Variants in SBF2 observed in about 807,000 individuals in gnomAD.
SBF2 encodes the protein myotubularin-related protein 13.
In SBF2, 112 loss-of-function variants were observed where a neutral mutation model predicts 225.2. The observed-to-expected ratio is 0.50, with a 90% CI of 0.43 to 0.58. The LOEUF (loss-of-function observed/expected upper bound fraction) is 0.58, where lower values mean the gene tolerates loss of function less well. Among genes scored for constraint, SBF2 ranks in the 20% least tolerant of loss-of-function variants. The probability of loss-of-function intolerance (pLI) is 0.00; values close to 1 mark genes in which losing one functional copy is unlikely to be tolerated. For missense variants in SBF2, 1,996 were observed against 2,206.2 expected (o/e 0.90, Z 1.91); for synonymous variants, 763 against 773.3 (o/e 0.99, Z 0.22).
Position 9,968,417 on chromosome 11 carries a change from A to T in SBF2, c.1524T>A (p.Asn508Lys). The change falls in exon 14 of 40, where the codon AAT becomes AAA. Residue 508 changes from asparagine to lysine, a missense_variant. Coordinates refer to ENST00000256190, the MANE Select transcript of SBF2 (RefSeq NM_030962.4). ...GAGGTGCATTCTGGTTCTTAGCAACATTTTCCTGTATTAATTCCTGAACCC... is the reference window on the plus strand; with the variant it reads ...GAGGTGCATTCTGGTTCTTAGCAACTTTTTCCTGTATTAATTCCTGAACCC... The part of the protein sequence containing the change: ...EARVQELIQE[N>K]VAKNQNAPPA... The T allele has an allele frequency of 6.2e-7, 1 of 1,614,102 alleles. No homozygotes were observed. The highest frequency in any genetic ancestry group is 8.5e-7 in the Non-Finnish European group (1 of 1,180,012).
rs79052711 is a variant in SBF2 at position 9,784,783 on chromosome 11, A to G, written c.5231+342T>C. ...CTTGGCTGTCCTAGCTTATGTGAGT[A>G]AATTCCTTTTTGCTTCAGCTAGCAT... is the stretch of plus-strand genomic sequence containing the variant. On this transcript the variant is annotated intron_variant, in intron 37 of 39. Coordinates refer to ENST00000256190, the MANE Select transcript of SBF2 (RefSeq NM_030962.4). The G allele has an allele frequency of 5.6e-3, 2,777 of 496,122 alleles. 83 individuals carry two copies. The Admixed American group carries it at 0.056, about 10-fold the overall frequency. The allele number at this position is 496,122 out of a possible 1,614,324, so 30.7% of individuals were successfully genotyped here.
intron 2 of SBF2, among the ~76,000 whole-genome samples, chr11:10,098,473 A>AT (rs56080531): frequency 0.2 from 29,319 of 149,160 alleles, 3,717 homozygotes; most frequent in Non-Finnish European, 0.29. Context: ...TTCAAGGAAA[A>AT]TTAAAAAAAA....
chr11:10,294,325 G>A (rs1964390972), upstream of SBF2: 2 of 335,946 alleles, frequency 6.0e-6, no homozygotes, highest in Non-Finnish European at 1.1e-5. Context: ...CGCGGGCCTC[G>A]CGGACTGCTG....
intron 16 of SBF2, among the ~76,000 whole-genome samples, chr11:9,946,134 T>C (rs998193137): frequency 5.9e-5 from 9 of 152,342 alleles, no homozygotes; most frequent in African/African-American, 2.2e-4. Context: ...AGTATACCTG[T>C]ATGTTCATTG....
chr11:10,175,174 A>G (rs12270467), intron 2 of SBF2, among the ~76,000 whole-genome samples: 2,110 of 150,666 alleles, frequency 0.014, 42 homozygotes, highest in African/African-American at 0.047. Context: ...TTAACTTTAA[A>G]TGTAAATGGA....
chr11:10,062,403 G>A (rs11600852), intron 2 of SBF2, among the ~76,000 whole-genome samples: 69,770 of 151,944 alleles, frequency 0.46, 16,422 homozygotes, highest in Admixed American at 0.56. Flanking sequence ...GTAAAGAGAA[G>A]CCTACAGACT....
Position 10,031,128 on chromosome 11 carries a change from C to G in SBF2, c.322G>C (p.Gly108Arg). ...EEIEGEAKVS[G>R]LIQPAEVFAP... ...AACACTTCTGCAGGCTGAATTAAAC[C>G]AGACACTTTTGCTTCACCTTCAATC... The change falls in exon 4 of 40, where the codon GGT becomes CGT. Residue 108 changes from glycine (G) to arginine (R), a missense_variant. Gly to Arg is a moderately radical substitution (Grantham distance 125). Coordinates refer to ENST00000256190, the MANE Select transcript of SBF2 (RefSeq NM_030962.4). The G allele has an allele frequency of 6.2e-7, 1 of 1,613,588 alleles. No homozygotes were observed. The highest frequency in any genetic ancestry group is 8.5e-7 in the Non-Finnish European group (1 of 1,179,694).
chr11:9,903,094 G>C (rs1169457222), intron 16 of SBF2, among the ~76,000 whole-genome samples: 1 of 152,158 alleles, frequency 6.6e-6, no homozygotes, highest in South Asian at 2.1e-4. Flanking sequence ...GGCTGAGGCA[G>C]GCGGATCACG....
At chr11:9,965,852 T>C (rs1590628282) in intron 14 of SBF2, among the ~76,000 whole-genome samples, 1 of 152,234 alleles carries the variant, frequency 6.6e-6, no homozygotes, top group Non-Finnish European at 1.5e-5. Context: ...CTTTTCTCTC[T>C]GAAATGCTCA....
At chr11:10,009,528 T>A (rs1284222691) in intron 6 of SBF2, among the ~76,000 whole-genome samples, 1 of 152,184 alleles carries the variant, frequency 6.6e-6, no homozygotes, top group Non-Finnish European at 1.5e-5. Context: ...TCTGTTCCTG[T>A]ATTAGTTTGC....
chr11:10,094,528 A>T (rs1385923438), intron 2 of SBF2, among the ~76,000 whole-genome samples: 61 of 107,274 alleles, frequency 5.7e-4, no homozygotes, highest in African/African-American at 6.6e-4. Context: ...ATACACACAG[A>T]TTTTTTTTTT....
intron 17 of SBF2, among the ~76,000 whole-genome samples, chr11:9,889,102 C>T (rs1388659983): frequency 2.6e-5 from 4 of 152,126 alleles, no homozygotes; most frequent in African/African-American, 4.8e-5. Context: ...TAGGGAGTAT[C>T]GGCTGGGGGA....
intron 1 of SBF2, among the ~76,000 whole-genome samples, chr11:10,204,914 GTGGTGA>G (rs1957700215): frequency 6.6e-6 from 1 of 151,814 alleles, no homozygotes; most frequent in Non-Finnish European, 1.5e-5. Context: ...TAAGTAAATA[GTGGTGA>G]TGTCGCATGT....
chr11:9,796,799 G>A (rs1389081225), intron 32 of SBF2, among the ~76,000 whole-genome samples: 4 of 152,182 alleles, frequency 2.6e-5, no homozygotes, highest in Non-Finnish European at 5.9e-5. Context: ...AGTAAATTAG[G>A]CAGTGAGGTC....
In SBF2 at chr11:10,178,049, A is replaced by G. The variant is rs986829170; in HGVS notation, c.141+15853T>C. Among the ~76,000 whole-genome samples, 7 of 147,042 alleles carry G rather than the reference A, an allele frequency of 4.8e-5. 1 individual carries two copies. In the South Asian group the frequency reaches 1.1e-3, roughly 22 times the overall value. ...TCAGAAATAACACCACATATCTACAACTATCTGATCTTTGACAAACCTGAG... is the reference window on the plus strand; with the variant it reads ...TCAGAAATAACACCACATATCTACAGCTATCTGATCTTTGACAAACCTGAG... On this transcript the variant is annotated intron_variant, in intron 2 of 39. Coordinates refer to ENST00000256190, the MANE Select transcript of SBF2 (RefSeq NM_030962.4).
rs538547536 is a variant in SBF2 at position 9,909,539 on chromosome 11, G to A, written c.1861-13528C>T. Among the ~76,000 whole-genome samples, 92 of 151,850 alleles carry A rather than the reference G, an allele frequency of 6.1e-4. 1 individual carries two copies. Among genetic ancestry groups the A allele is most frequent in the Middle Eastern group, 3.4e-3 (1 of 292 alleles). On this transcript the variant is annotated intron_variant, in intron 16 of 39. Transcript: ENST00000256190. ...ACAAAAATTAGCCGGGCGTGGTGGC[G>A]GGCACCTGTAGTCCCAGCTACTCGG...
intron 27 of SBF2, among the ~76,000 whole-genome samples, chr11:9,830,745 CAA>C (rs553674434): frequency 1.8e-5 from 2 of 111,120 alleles, no homozygotes. Flanking sequence ...AGCTCAAAAA[CAA>C]AAAAAAAAAA....
chr11:10,153,793 T>C (rs1278070100), intron 2 of SBF2, among the ~76,000 whole-genome samples: 1 of 152,124 alleles, frequency 6.6e-6, no homozygotes, highest in African/African-American at 2.4e-5. Context: ...AAGGAAGTTT[T>C]ATAATTTTAG....
intron 37 of SBF2, among the ~76,000 whole-genome samples, chr11:9,784,772 C>G (rs1852262160): frequency 1.3e-5 from 2 of 152,204 alleles, no homozygotes; most frequent in Non-Finnish European, 2.9e-5. Context: ...GCTGTCCTAG[C>G]TTATGTGAGT....
Sources: gnomAD v4.1 joint callset for allele counts (sites outside exome capture counted in the v4.1 genomes callset) on GRCh38, gnomAD v4.1.1 for gene constraint, MANE v1.5 for transcripts, NCBI Gene and HGNC (gene_info 2026-07-23, HGNC 2026-07-21) for gene names.